TGS1: variants seen among roughly 807,000 people sequenced by gnomAD.
TGS1 encodes the protein trimethylguanosine synthase.
TGS1 carries 69 observed loss-of-function variants against 92.2 expected under a neutral mutation model. The ratio of observed to expected loss-of-function variants is 0.75; its 90% CI spans 0.62 to 0.91. The LOEUF (loss-of-function observed/expected upper bound fraction) is 0.91, where lower values mean the gene tolerates loss of function less well. TGS1 is among the 40% of genes least tolerant of loss of function. TGS1 has a pLI of 0.00. For missense variants in TGS1, 1,062 were observed against 1,001.2 expected (o/e 1.06, Z -0.82); for synonymous variants, 345 against 338.1 (o/e 1.02, Z -0.22).
Position 55,786,449 on chromosome 8 carries a change from T to G in TGS1, c.551T>G (p.Val184Gly). The G allele has an allele frequency of 6.2e-7, 1 of 1,613,780 alleles. No homozygotes were observed. The highest frequency in any genetic ancestry group is 8.5e-7 in the Non-Finnish European group (1 of 1,179,914). ...GATACTGAGACAGAAAATCCTCCAG[T>G]TGAAAACACATTATCTCCAAAGCTA... is the stretch of plus-strand genomic sequence containing the variant. ...KKDTETENPP[V>G]ENTLSPKLEI... The change falls in exon 4 of 13, where the codon GTT becomes GGT. Residue 184 changes from valine to glycine, a missense_variant. By Grantham distance (109) the Val-to-Gly change is moderately radical (BLOSUM62 -3). Transcript: ENST00000260129.
intron 6 of TGS1, 52 bp from the exon 7 acceptor site, chr8:55,795,925 GA>G (rs1352070906): frequency 8.1e-6 from 11 of 1,361,680 alleles, no homozygotes; most frequent in Non-Finnish European, 1.1e-5. Flanking sequence ...TTCCTATAAG[GA>G]AATATAATCC....
chr8:55,797,003 A>G (rs1391256561), intron 7 of TGS1, among the ~76,000 whole-genome samples: 1 of 152,016 alleles, frequency 6.6e-6, no homozygotes, highest in Non-Finnish European at 1.5e-5. Flanking sequence ...AAAAAACACA[A>G]CCTTGCCTAT....
intron 10 of TGS1, among the ~76,000 whole-genome samples, chr8:55,807,794 G>T (rs1370613647): frequency 6.6e-6 from 1 of 151,994 alleles, no homozygotes; most frequent in African/African-American, 2.4e-5. Flanking sequence ...CTCTAAAAGT[G>T]CTGGAATTAC....
intron 5 of TGS1, among the ~76,000 whole-genome samples, chr8:55,791,613 G>A (rs1811887043): frequency 6.6e-6 from 1 of 152,198 alleles, no homozygotes; most frequent in Non-Finnish European, 1.5e-5. Context: ...GCCAGCACCA[G>A]TGAACTAACT....
intron 1 of TGS1, among the ~76,000 whole-genome samples, chr8:55,774,486 C>T (rs1014081456): frequency 6.6e-6 from 1 of 152,052 alleles, no homozygotes; most frequent in African/African-American, 2.4e-5. Flanking sequence ...TCATTTTTCT[C>T]GTGTAATTTT....
chr8:55,778,306 T>G (rs1811457782), intron 1 of TGS1, among the ~76,000 whole-genome samples: 1 of 152,128 alleles, frequency 6.6e-6, no homozygotes, highest in South Asian at 2.1e-4. Context: ...AATGGCAGCC[T>G]TAGAATTCTA....
chr8:55,777,292 T>G (rs1811428460), intron 1 of TGS1, among the ~76,000 whole-genome samples: 1 of 146,604 alleles, frequency 6.8e-6, no homozygotes, highest in South Asian at 2.1e-4. Flanking sequence ...TACAGGTGTT[T>G]TTTTTTTTTT....
chr8:55,779,771 C>T (rs544154062), intron 1 of TGS1, among the ~76,000 whole-genome samples: 1 of 152,264 alleles, frequency 6.6e-6, no homozygotes, highest in South Asian at 2.1e-4. Flanking sequence ...ACTTTTAAAA[C>T]ACTATTTAAT....
At chr8:55,808,597 C>T (rs765282793) in intron 10 of TGS1, among the ~76,000 whole-genome samples, 1 of 151,038 alleles carries the variant, frequency 6.6e-6, no homozygotes, top group Non-Finnish European at 1.5e-5. Context: ...CAACCTTCAC[C>T]TCCTGGGTTC....
chr8:55,804,149 A>G (rs1242879216), intron 9 of TGS1, among the ~76,000 whole-genome samples: 1 of 152,118 alleles, frequency 6.6e-6, no homozygotes, highest in Non-Finnish European at 1.5e-5. Context: ...CTTTAAAAGC[A>G]TGCAGTTTTG....
At chr8:55,817,111 C>T (rs1803502125) in intron 12 of TGS1, among the ~76,000 whole-genome samples, 2 of 152,174 alleles carry the variant, frequency 1.3e-5, no homozygotes, top group African/African-American at 4.8e-5. Context: ...GATCTGCCCG[C>T]CTTGGCCTCC....
intron 9 of TGS1, 113 bp from the exon 10 acceptor site, chr8:55,804,780 A>G: frequency 1.1e-6 from 1 of 928,636 alleles, no homozygotes; most frequent in Non-Finnish European, 1.6e-6. Flanking sequence ...ATTTTTTAAA[A>G]AGGGAAACTA....
At chr8:55,784,921 A>G (rs1811665001) in intron 2 of TGS1, among the ~76,000 whole-genome samples, 1 of 152,232 alleles carries the variant, frequency 6.6e-6, no homozygotes, top group South Asian at 2.1e-4. Flanking sequence ...CATAGAGCAG[A>G]TGCTCAATAA....
chr8:55,792,172 C>T (rs902074403), intron 5 of TGS1, among the ~76,000 whole-genome samples: 4 of 152,190 alleles, frequency 2.6e-5, no homozygotes, highest in South Asian at 2.1e-4. Flanking sequence ...CTTGGAATTA[C>T]GGCCAGGGAT....
chr8:55,800,443 A>G (rs1379121546), intron 8 of TGS1, among the ~76,000 whole-genome samples: 1 of 152,120 alleles, frequency 6.6e-6, no homozygotes, highest in Non-Finnish European at 1.5e-5. Flanking sequence ...CATAGCTAGG[A>G]CTCATTACCA....
intron 12 of TGS1, among the ~76,000 whole-genome samples, chr8:55,813,768 T>C (rs1241493458): frequency 6.6e-6 from 1 of 152,188 alleles, no homozygotes; most frequent in Non-Finnish European, 1.5e-5. Context: ...AATGTTAGTC[T>C]TTCCTATCTA....
Position 55,786,731 on chromosome 8 carries a change from A to G in TGS1, c.833A>G (p.Glu278Gly). The part of the protein sequence containing the change: ...CDTDTYTSKT[E>G]ADDKNDEKCM... ...ACAGATACTTACACATCTAAAACAG[A>G]AGCTGATGACAAGAACGATGAAAAA... The change falls in exon 4 of 13, where the codon GAA becomes GGA. Residue 278 changes from glutamate to glycine, a missense_variant. Transcript: ENST00000260129. 2 of 1,614,186 alleles carry G rather than the reference A, an allele frequency of 1.2e-6. No homozygotes were observed. The highest frequency in any genetic ancestry group is 8.5e-7 in the Non-Finnish European group (1 of 1,180,034).
At position 55,826,062 on chromosome 8, in the gene TGS1, G is replaced by C. The variant is rs1250529093; in HGVS notation, c.*1359G>C. Among the ~76,000 whole-genome samples the C allele has an allele frequency of 6.6e-6, 1 of 151,976 alleles. No homozygotes were observed. Among genetic ancestry groups the C allele is most frequent in the African/African-American group, 2.4e-5 (1 of 41,352 alleles). On this transcript the variant is annotated 3_prime_UTR_variant, in exon 13 of 13. Transcript: ENST00000260129. ...CTATGGGGTTTCACCGTGTTAGCCA[G>C]GATGGTCTCGATCTCCTGACCTTGT...
intron 11 of TGS1, among the ~76,000 whole-genome samples, chr8:55,811,422 A>G (rs576326391): frequency 6.6e-6 from 1 of 151,972 alleles, no homozygotes; most frequent in Non-Finnish European, 1.5e-5. Context: ...AGATCGCGCC[A>G]CTGCACTCCA....
Sources: gnomAD v4.1 joint callset for allele counts (sites outside exome capture counted in the v4.1 genomes callset) on GRCh38, gnomAD v4.1.1 for gene constraint, MANE v1.5 for transcripts, NCBI Gene and HGNC (gene_info 2026-07-23, HGNC 2026-07-21) for gene names.